Variants in DCUN1D4 observed in about 807,000 individuals in gnomAD.
The protein encoded by DCUN1D4 is defective in cullin neddylation 1 domain containing 4.
Under a neutral mutation model 47.9 loss-of-function variants are expected in DCUN1D4, and 22 were observed. That is an observed-to-expected ratio of 0.46 (90% CI 0.33 to 0.66). DCUN1D4 has a LOEUF of 0.66. Ranked by LOEUF, DCUN1D4 falls within the 30% of genes least tolerant of loss-of-function variation. The probability of loss-of-function intolerance (pLI) is 0.02; values close to 1 mark genes in which losing one functional copy is unlikely to be tolerated. For synonymous variants in DCUN1D4, 121 were observed against 112.2 expected, an observed-to-expected ratio of 1.08 and a Z score of -0.50; for missense variants, 301 against 340.8, an observed-to-expected ratio of 0.88 and a Z score of 0.92.
At chr4:51,843,128 TG>T, upstream of DCUN1D4, 2 of 1,486,060 alleles carry the variant, frequency 1.3e-6, no homozygotes, top group South Asian at 1.3e-5. Flanking sequence ...ATGGGCGGGC[TG>T]GGAGTGCCCG....
chr4:51,863,431 T>G lies in DCUN1D4; in HGVS notation c.26-6T>G. ...GACGCTGACATTTTTCCTTTTTCTTTTCAAGATTTTCAGCTGAACTCTCAT... is the reference window on the plus strand; with the variant it reads ...GACGCTGACATTTTTCCTTTTTCTTGTCAAGATTTTCAGCTGAACTCTCAT... On this transcript the variant is annotated splice_polypyrimidine_tract_variant and splice_region_variant and intron_variant, in intron 1 of 10. Coordinates refer to ENST00000334635, the MANE Select transcript of DCUN1D4 (RefSeq NM_001040402.3). The G allele has an allele frequency of 3.1e-6, 5 of 1,606,522 alleles. No individual in the cohort carries two copies. Among genetic ancestry groups the G allele is most frequent in the Non-Finnish European group, 4.3e-6 (5 of 1,176,038 alleles).
intron 3 of DCUN1D4, among the ~76,000 whole-genome samples, chr4:51,866,574 C>T (rs1725961892): frequency 6.6e-6 from 1 of 152,100 alleles, no homozygotes. Context: ...CCTTCAGCCT[C>T]CTGTTGATTT....
chr4:51,863,812 T>G, intron 3 of DCUN1D4, 103 bp downstream of exon 3: 1 of 1,219,426 alleles, frequency 8.2e-7, no homozygotes, highest in Non-Finnish European at 1.2e-6. Context: ...TGTACTCCAT[T>G]AACAAATTGT....
At chr4:51,868,443 C>T (rs1726323462) in intron 3 of DCUN1D4, among the ~76,000 whole-genome samples, 2 of 152,220 alleles carry the variant, frequency 1.3e-5, no homozygotes, top group Non-Finnish European at 2.9e-5. Context: ...AGTGCCCAGT[C>T]AATGTCAGTT....
At chr4:51,861,357 G>T (rs905868865) in intron 1 of DCUN1D4, among the ~76,000 whole-genome samples, 3 of 152,170 alleles carry the variant, frequency 2.0e-5, no homozygotes, top group African/African-American at 4.8e-5. Flanking sequence ...GTGGAGTGGG[G>T]TGGTGAAAGA....
At chr4:51,869,039 A>G (rs1726421712) in intron 3 of DCUN1D4, among the ~76,000 whole-genome samples, 1 of 146,964 alleles carries the variant, frequency 6.8e-6, no homozygotes, top group African/African-American at 2.6e-5. Context: ...AATTGCTTGA[A>G]TCTGGACCCG....
At chr4:51,857,883 T>C (rs1015707260) in intron 1 of DCUN1D4, among the ~76,000 whole-genome samples, 2 of 152,226 alleles carry the variant, frequency 1.3e-5, no homozygotes, top group African/African-American at 4.8e-5. Context: ...TGAATATTTA[T>C]TGAGCACCTA....
chr4:51,905,135 A>G (rs540817404), intron 8 of DCUN1D4: 2 of 449,256 alleles, frequency 4.5e-6, no homozygotes, highest in Admixed American at 2.4e-5. Flanking sequence ...GTACTTGGCT[A>G]TAAAGTTGTG....
At chr4:51,910,632 A>T (rs1309055352) in intron 8 of DCUN1D4, 1 of 158,586 alleles carries the variant, frequency 6.3e-6, no homozygotes, top group Non-Finnish European at 1.4e-5. Flanking sequence ...TTTCGTTTTT[A>T]TTAAGGAAAC....
intron 3 of DCUN1D4, among the ~76,000 whole-genome samples, chr4:51,868,073 C>T (rs1560472697): frequency 6.6e-6 from 1 of 152,226 alleles, no homozygotes; most frequent in Admixed American, 6.5e-5. Flanking sequence ...CACGACAGTG[C>T]CTGGGCTCAG....
At chr4:51,878,772 T>G (rs976686230) in intron 5 of DCUN1D4, among the ~76,000 whole-genome samples, 1 of 152,264 alleles carries the variant, frequency 6.6e-6, no homozygotes, top group Non-Finnish European at 1.5e-5. Context: ...CTTAATTACC[T>G]TAGTAGCCTT....
At chr4:51,845,158 A>G (rs1250618687) in intron 1 of DCUN1D4, 1 of 985,376 alleles carries the variant, frequency 1.0e-6, no homozygotes, top group Non-Finnish European at 1.2e-6. Context: ...AGCAGCCTTT[A>G]GAATGGTGTA....
intron 7 of DCUN1D4, among the ~76,000 whole-genome samples, chr4:51,892,340 A>C (rs990040458): frequency 2.0e-5 from 3 of 152,098 alleles, no homozygotes; most frequent in Admixed American, 6.5e-5. Flanking sequence ...TTATTTTGTG[A>C]TCCATCTCCA....
chr4:51,901,654 C>T (rs956477158), intron 8 of DCUN1D4, among the ~76,000 whole-genome samples: 2 of 152,218 alleles, frequency 1.3e-5, no homozygotes, highest in Non-Finnish European at 2.9e-5. Flanking sequence ...ATCAGCCTGT[C>T]GGGGTGGGAT....
At position 51,914,670 on chromosome 4, in the gene DCUN1D4, A is replaced by G. The variant is rs1355587591; in HGVS notation, c.*1086A>G. ...TGCAGGCAGTGGACAAGAAACCACC[A>G]GCATTGAGCTAACCCAGTACATGCT... On this transcript the variant is annotated 3_prime_UTR_variant, in exon 11 of 11. Coordinates refer to ENST00000334635, the MANE Select transcript of DCUN1D4 (RefSeq NM_001040402.3). 6.6e-6 allele frequency: 1 copy of G among 152,614 alleles called. No homozygotes were observed. Among genetic ancestry groups the G allele is most frequent in the African/African-American group, 2.4e-5 (1 of 41,442 alleles). 9.5% of individuals were successfully genotyped at this position (152,614 alleles called of 1,614,324 possible).
At chr4:51,881,524 GC>G (rs1728618598) in intron 5 of DCUN1D4, among the ~76,000 whole-genome samples, 2 of 152,156 alleles carry the variant, frequency 1.3e-5, no homozygotes, top group Admixed American at 1.3e-4. Flanking sequence ...TTAGTTAGGG[GC>G]CCCTGCTTAA....
In DCUN1D4 at chr4:51,863,454, C is replaced by T. The variant is rs1725392335; in HGVS notation, c.43C>T (p.His15Tyr). 1.9e-6 allele frequency: 3 copies of T among 1,612,068 alleles called. No individual in the cohort carries two copies. Among genetic ancestry groups the T allele is most frequent in the Non-Finnish European group, 2.5e-6 (3 of 1,179,154 alleles). Residue 15 changes from histidine (H) to tyrosine (Y), a missense_variant, in exon 2 of 11, where the codon CAT becomes TAT. Physicochemically the swap from His to Tyr is moderately conservative, Grantham distance 83. Around this residue, in one of 2 missense-constraint regions of DCUN1D4, gnomAD observed 131 missense variants for 106.3 expected, o/e 1.23. Coordinates refer to ENST00000334635, the MANE Select transcript of DCUN1D4 (RefSeq NM_001040402.3). ...AAAVNFQLNS[H>Y]LSTLANIHKI... ...TTTTCAAGATTTTCAGCTGAACTCT[C>T]ATCTCTCAACACTGGCAAATATTCA...
intron 1 of DCUN1D4, chr4:51,844,493 C>A (rs1722180471): frequency 1.2e-6 from 1 of 801,904 alleles, no homozygotes; most frequent in Non-Finnish European, 1.5e-6. Flanking sequence ...AGGGGTCGGG[C>A]CCTGATGGCC....
intron 6 of DCUN1D4, among the ~76,000 whole-genome samples, chr4:51,889,943 CA>C (rs1399262525): frequency 6.6e-6 from 1 of 151,510 alleles, no homozygotes; most frequent in Non-Finnish European, 1.5e-5. Flanking sequence ...ATTTTTAATC[CA>C]AAAAAAACCT....
Sources: gnomAD v4.1 joint callset for allele counts (sites outside exome capture counted in the v4.1 genomes callset) on GRCh38, gnomAD v4.1.1 for gene constraint, gnomAD v4.1.1 regional missense constraint, MANE v1.5 for transcripts, NCBI Gene and HGNC (gene_info 2026-07-23, HGNC 2026-07-21) for gene names.